XKR6: variants seen among roughly 807,000 people sequenced by gnomAD.
XKR6 encodes the protein XK-related protein 6.
XKR6 carries 22 observed loss-of-function variants against 56.7 expected under a neutral mutation model. The ratio of observed to expected loss-of-function variants is 0.39; its 90% CI spans 0.28 to 0.55. The LOEUF (loss-of-function observed/expected upper bound fraction) is 0.55, where lower values mean the gene tolerates loss of function less well. Among genes scored for constraint, XKR6 ranks in the 20% least tolerant of loss-of-function variants. XKR6 has a pLI of 0.66. For missense variants in XKR6, 852 were observed against 889.0 expected (o/e 0.96, Z 0.53); for synonymous variants, 524 against 387.8 (o/e 1.35, Z -4.13).
chr8:11,005,437 G>C (rs2129144255), intron 1 of XKR6, among the ~76,000 whole-genome samples: 1 of 152,200 alleles, frequency 6.6e-6, no homozygotes, highest in Non-Finnish European at 1.5e-5. Flanking sequence ...GTTATTTAAT[G>C]GGCATGGAGT....
rs534098307 is a variant in XKR6 at position 10,980,018 on chromosome 8, G to C, written c.765-55188C>G. 4.6e-5 allele frequency among the ~76,000 whole-genome samples: 7 copies of C among 152,304 alleles called. 1 individual carries two copies. The highest frequency in any genetic ancestry group is 1.7e-4 in the African/African-American group (7 of 41,536). On this transcript the variant is annotated intron_variant, in intron 1 of 2. Transcript: ENST00000416569. ...CCCGTCCTGGCTCATGCCAAACCCT[G>C]AGGCAGACATCTCTGTCCCAAGGAA... is the stretch of plus-strand genomic sequence containing the variant.
At chr8:11,169,046 T>C (rs762507333) in intron 1 of XKR6, among the ~76,000 whole-genome samples, 2 of 152,134 alleles carry the variant, frequency 1.3e-5, no homozygotes, top group Non-Finnish European at 2.9e-5. Context: ...GCCAAGGTCC[T>C]GGACCAAGCT....
chr8:11,039,362 G>A (rs1012017178), intron 1 of XKR6, among the ~76,000 whole-genome samples: 2 of 152,214 alleles, frequency 1.3e-5, no homozygotes, highest in Non-Finnish European at 2.9e-5. Flanking sequence ...TGAAGCCCTG[G>A]AACAGAAGGC....
At chr8:11,171,299 G>C (rs1337986385) in intron 1 of XKR6, among the ~76,000 whole-genome samples, 2 of 152,224 alleles carry the variant, frequency 1.3e-5, no homozygotes, top group African/African-American at 2.4e-5. Flanking sequence ...CACACACAGA[G>C]TTCAAAACAT....
rs1295667712 is a variant in XKR6, at chr8:11,103,723, C to G, written c.764+96853G>C. On this transcript the variant is annotated intron_variant, in intron 1 of 2. Transcript: ENST00000416569. The stretch of plus-strand genomic sequence containing the variant: ...TGAGATAAACTCCCTGCTTCTGTGT[C>G]AAGGTACCCAGTCAAAAACTTGTGC... Among the ~76,000 whole-genome samples, 23 of 152,194 alleles carry G rather than the reference C, an allele frequency of 1.5e-4. 1 individual carries two copies. The highest frequency in any genetic ancestry group is 1.5e-3 in the Admixed American group (23 of 15,278).
chr8:11,033,409 G>GTGA lies in XKR6; in HGVS notation c.765-108582_765-108580dup, dbSNP rs140288899. Among the ~76,000 whole-genome samples the GTGA allele has an allele frequency of 4.3e-3, 613 of 142,374 alleles. 7 individuals carry two copies. The highest frequency in any genetic ancestry group is 0.016 in the African/African-American group (579 of 36,812). 93.4% of individuals were successfully genotyped at this position (142,374 alleles called of 152,430 possible). A position where few individuals can be genotyped will look rare whatever the true frequency, so the allele number is the denominator to read the frequency against. ...GATGATGATGATGACGATAGTGATG[G>GTGA]TGATGATGATGATGATGATGGTGAT... On this transcript the variant is annotated intron_variant, in intron 1 of 2. Transcript: ENST00000416569.
intron 1 of XKR6, among the ~76,000 whole-genome samples, chr8:11,147,226 A>C (rs1437809005): frequency 6.6e-6 from 1 of 152,152 alleles, no homozygotes; most frequent in South Asian, 2.1e-4. Context: ...CAAGTTGTAT[A>C]AATTAAATAG....
At chr8:11,022,458 C>A (rs1798769442) in intron 1 of XKR6, among the ~76,000 whole-genome samples, 1 of 152,204 alleles carries the variant, frequency 6.6e-6, no homozygotes, top group African/African-American at 2.4e-5. Flanking sequence ...GGGCCCACTC[C>A]AAGTGGGAGA....
At chr8:11,173,366 TACACACAC>T (rs528628983) in intron 1 of XKR6, among the ~76,000 whole-genome samples, 1 of 143,958 alleles carries the variant, frequency 6.9e-6, no homozygotes, top group African/African-American at 2.6e-5. Context: ...TATATATATA[TACACACAC>T]ACACACACAC....
chr8:11,078,581 G>C (rs1041897877), intron 1 of XKR6, among the ~76,000 whole-genome samples: 22 of 152,218 alleles, frequency 1.4e-4, no homozygotes, highest in Non-Finnish European at 2.6e-4. Context: ...GCAATGGGGT[G>C]TGAGAGTGGC....
intron 1 of XKR6, among the ~76,000 whole-genome samples, chr8:10,945,621 A>G (rs1193068614): frequency 3.3e-5 from 5 of 152,218 alleles, no homozygotes; most frequent in African/African-American, 7.2e-5. Context: ...GTTTATCTTT[A>G]TATCTCTGAT....
chr8:11,128,365 G>A (rs567786087), intron 1 of XKR6, among the ~76,000 whole-genome samples: 54 of 152,276 alleles, frequency 3.5e-4, no homozygotes, highest in African/African-American at 1.3e-3. Flanking sequence ...TTTACTATCT[G>A]TGCTGACGCT....
chr8:10,935,558 C>T (rs1254066879), intron 1 of XKR6, among the ~76,000 whole-genome samples: 19 of 148,118 alleles, frequency 1.3e-4, no homozygotes, highest in African/African-American at 4.8e-4. Flanking sequence ...TTTCCCTCTA[C>T]ACACTGCTTT....
At chr8:11,092,489 G>C (rs1328283407) in intron 1 of XKR6, among the ~76,000 whole-genome samples, 3 of 152,204 alleles carry the variant, frequency 2.0e-5, no homozygotes, top group African/African-American at 7.2e-5. Context: ...GAGGACCCTG[G>C]CTGGAAAGAT....
intron 1 of XKR6, among the ~76,000 whole-genome samples, chr8:11,140,480 A>T (rs1800637200): frequency 6.6e-6 from 1 of 152,220 alleles, no homozygotes; most frequent in African/African-American, 2.4e-5. Context: ...GGAAACAGAG[A>T]AAGAGAGTTA....
intron 1 of XKR6, among the ~76,000 whole-genome samples, chr8:11,181,879 G>A (rs1201753724): frequency 1.3e-5 from 2 of 151,946 alleles, no homozygotes; most frequent in African/African-American, 2.4e-5. Context: ...TGGAGACAGG[G>A]TCTGGCTCTG....
intron 1 of XKR6, among the ~76,000 whole-genome samples, chr8:11,144,223 A>AGTGTGC (rs1554471229): frequency 7.3e-6 from 1 of 136,422 alleles, no homozygotes; most frequent in Non-Finnish European, 1.5e-5. Context: ...TTAAATAAAA[A>AGTGTGC]GTGTGTGTGT....
intron 1 of XKR6, among the ~76,000 whole-genome samples, chr8:11,025,732 A>G (rs949649627): frequency 1.3e-5 from 2 of 152,212 alleles, no homozygotes; most frequent in Non-Finnish European, 2.9e-5. Flanking sequence ...ACACTAATAC[A>G]CACCAAATAG....
At chr8:10,902,796 G>A (rs1274724646) in intron 2 of XKR6, among the ~76,000 whole-genome samples, 1 of 152,246 alleles carries the variant, frequency 6.6e-6, no homozygotes, top group Non-Finnish European at 1.5e-5. Flanking sequence ...CCCCTGATGT[G>A]CCTGCCCCTC....
Sources: allele counts gnomAD v4.1 joint callset (sites outside exome capture counted in the v4.1 genomes callset), GRCh38; gene constraint gnomAD v4.1.1; transcripts MANE v1.5; gene names NCBI Gene and HGNC (gene_info 2026-07-23, HGNC 2026-07-21).